GEMIN7: variants seen among roughly 807,000 people sequenced by gnomAD.
The protein encoded by GEMIN7 is gem nuclear organelle associated protein 7.
A neutral mutation model predicts 7.8 loss-of-function variants in GEMIN7; 7 were observed. The ratio of observed to expected loss-of-function variants is 0.90; its 90% CI spans 0.51 to 1.69. The LOEUF (loss-of-function observed/expected upper bound fraction) is 1.69, where lower values mean the gene tolerates loss of function less well. Among genes scored for constraint, GEMIN7 ranks in the 40% most tolerant of loss-of-function variants. The probability of loss-of-function intolerance (pLI) is 0.00; values close to 1 mark genes in which losing one functional copy is unlikely to be tolerated. For missense variants in GEMIN7, 159 were observed against 176.2 expected (o/e 0.90, Z 0.55); for synonymous variants, 68 against 72.4 (o/e 0.94, Z 0.31).
chr19:45,090,043 C>T (rs1967837422), intron 2 of GEMIN7, 64 bp from the exon 3 acceptor site: 2 of 1,506,816 alleles, frequency 1.3e-6, no homozygotes, highest in Non-Finnish European at 1.8e-6. Context: ...TTCCACTCCT[C>T]CCTCCTCCAT....
At chr19:45,076,263 C>A, upstream of GEMIN7, 1 of 1,499,230 alleles carries the variant, frequency 6.7e-7, no homozygotes, top group Non-Finnish European at 8.9e-7. This position sits in a 1 kb window ranked among gnomAD's most constrained non-coding sequence, Gnocchi z 4.9. Flanking sequence ...GCGCGTCTGG[C>A]TCGGGCTTGA....
intron 2 of GEMIN7, chr19:45,088,509 T>G (rs550532381): frequency 1.3e-5 from 2 of 152,190 alleles, no homozygotes; most frequent in African/African-American, 4.8e-5. Flanking sequence ...TTATTTTTAG[T>G]AGAGACGAGG....
intron 2 of GEMIN7, among the ~76,000 whole-genome samples, chr19:45,080,373 G>A (rs1274535973): frequency 7.3e-6 from 1 of 137,842 alleles, no homozygotes; most frequent in East Asian, 2.0e-4. Context: ...CCAAGGAAAT[G>A]ATTTTTTTTT....
At chr19:45,084,213 C>CAAAAAAAAAAAAAAAAAAAAAAAA (rs35661833) in intron 2 of GEMIN7, among the ~76,000 whole-genome samples, 1 of 74,504 alleles carries the variant, frequency 1.3e-5, no homozygotes, top group Non-Finnish European at 2.3e-5. Flanking sequence ...CTCCATCTCA[C>CAAAAAAAAAAAAAAAAAAAAAAAA]AAAAAAAAAA....
Position 45,080,020 on chromosome 19 carries a change from C to A in GEMIN7, c.-18C>A, listed in dbSNP as rs1055582270. On this transcript the variant is annotated 5_prime_UTR_variant, in exon 2 of 3. Coordinates refer to ENST00000270257, the MANE Select transcript of GEMIN7 (RefSeq NM_024707.3). ...CTCCTCTCTGGAGCACCGGGGCCAC[C>A]AGGAGGGAGGTCTGTGAAACCCCTG... The A allele has an allele frequency of 6.6e-6, 1 of 152,292 alleles. No homozygotes were observed. The highest frequency in any genetic ancestry group is 1.5e-5 in the Non-Finnish European group (1 of 68,052). 9.4% of individuals were successfully genotyped at this position (152,292 alleles called of 1,614,324 possible).
chr19:45,083,599 CTTT>C (rs1184251456), intron 2 of GEMIN7, among the ~76,000 whole-genome samples: 1 of 48,334 alleles, frequency 2.1e-5, no homozygotes, highest in African/African-American at 5.9e-5. Context: ...AATTCTTCTT[CTTT>C]TTTTTTTTTT....
chr19:45,076,436 C>G (rs1967356228), upstream of GEMIN7: 2 of 1,165,800 alleles, frequency 1.7e-6, no homozygotes, highest in South Asian at 4.1e-5. This position sits in a 1 kb window ranked among gnomAD's most constrained non-coding sequence, Gnocchi z 4.9. Flanking sequence ...GGAGGACGCA[C>G]GAGCGGAGGA....
intron 2 of GEMIN7, chr19:45,088,778 C>T (rs1406054431): frequency 3.9e-5 from 6 of 152,066 alleles, no homozygotes; most frequent in Non-Finnish European, 5.9e-5. Context: ...TTCTTAGTGT[C>T]CCATTCCTGG....
intron 2 of GEMIN7, among the ~76,000 whole-genome samples, chr19:45,082,533 C>T (rs770358076): frequency 2.0e-5 from 3 of 152,144 alleles, no homozygotes; most frequent in Non-Finnish European, 2.9e-5. Context: ...CAGTCCTAGA[C>T]GTGTTTCCAA....
In GEMIN7 at chr19:45,090,539, G is replaced by A. The variant is rs1055590231; in HGVS notation, c.*29G>A. On this transcript the variant is annotated 3_prime_UTR_variant, in exon 3 of 3. Transcript: ENST00000270257. ...TATTGTGTTCACTTTTCTGCTTGAGGCTAAGGCACTGTATCCCAGGCCTCC... is the reference window on the plus strand; with the variant it reads ...TATTGTGTTCACTTTTCTGCTTGAGACTAAGGCACTGTATCCCAGGCCTCC... The A allele has an allele frequency of 1.1e-5, 17 of 1,578,938 alleles. No individual in the cohort carries two copies. Among genetic ancestry groups the A allele is most frequent in the Admixed American group, 3.4e-5 (2 of 58,622 alleles).
At chr19:45,087,752 G>T (rs1600143352) in intron 2 of GEMIN7, among the ~76,000 whole-genome samples, 1 of 152,004 alleles carries the variant, frequency 6.6e-6, no homozygotes, top group African/African-American at 2.4e-5. Context: ...TCTGACTCAG[G>T]CATTAACAGG....
At chr19:45,083,237 CAGG>C (rs1402594863) in intron 2 of GEMIN7, among the ~76,000 whole-genome samples, 4 of 152,180 alleles carry the variant, frequency 2.6e-5, no homozygotes, top group Admixed American at 6.5e-5. Flanking sequence ...CACCTGAGAC[CAGG>C]AGATGTAGAC....
In GEMIN7 at chr19:45,090,294, C is replaced by CGCCCT; in HGVS notation, c.181_185dup (p.Arg63ProfsTer18). The CGCCCT allele has an allele frequency of 6.2e-7, 1 of 1,614,152 alleles. No homozygotes were observed. ...AATCCCAGGAGCAGCGGGCACGAGC[C>CGCCCT]GCCCTTCGGGAGCGTTACCTCCGCA... On this transcript the variant is annotated frameshift_variant, in exon 3 of 3. Transcript: ENST00000270257. LOFTEE classifies it high-confidence loss of function.
Position 45,088,725 on chromosome 19 carries a change from T to TA in GEMIN7, c.-8-1372dup, listed in dbSNP as rs912150722. 5.4e-4 allele frequency: 81 copies of TA among 149,210 alleles called. 1 individual carries two copies. The highest frequency in any genetic ancestry group is 1.5e-3 in the African/African-American group (59 of 40,606). The allele number at this position is 149,210 out of a possible 1,614,324, so 9.2% of individuals were successfully genotyped here. A position where few individuals can be genotyped will look rare whatever the true frequency, so the allele number is the denominator to read the frequency against. On this transcript the variant is annotated intron_variant, in intron 2 of 2. Coordinates refer to ENST00000270257, the MANE Select transcript of GEMIN7 (RefSeq NM_024707.3). ...AGTGAGACCCTGTCTCTTTAAAATT[T>TA]AAAAAAAAAAGAAAAGGAATAGCAC...
chr19:45,090,757 A>G lies in GEMIN7; in HGVS notation c.*247A>G. The G allele has an allele frequency of 4.2e-6, 2 of 477,274 alleles. No individual in the cohort carries two copies. The highest frequency in any genetic ancestry group is 6.3e-5 in the South Asian group (2 of 31,816). The allele number at this position is 477,274 out of a possible 1,614,324, so 29.6% of individuals were successfully genotyped here. ...ACAGAACTCTGAACCCTACAGAAAT[A>G]TGGGCCTGCTGCCATTTCCTGAAGA... is the stretch of plus-strand genomic sequence containing the variant. On this transcript the variant is annotated 3_prime_UTR_variant, in exon 3 of 3. Coordinates refer to ENST00000270257, the MANE Select transcript of GEMIN7 (RefSeq NM_024707.3).
At chr19:45,087,292 G>A (rs144361720) in intron 2 of GEMIN7, among the ~76,000 whole-genome samples, 3 of 152,170 alleles carry the variant, frequency 2.0e-5, no homozygotes, top group Non-Finnish European at 4.4e-5. Context: ...TTACAGGCAC[G>A]CACCACCACG....
intron 2 of GEMIN7, chr19:45,088,762 C>T (rs190829798): frequency 6.6e-6 from 1 of 152,140 alleles, no homozygotes; most frequent in Admixed American, 6.5e-5. Context: ...GAAGTGGTGC[C>T]CTGCCTTCTT....
chr19:45,084,491 C>T (rs1161272117), intron 2 of GEMIN7, among the ~76,000 whole-genome samples: 1 of 152,150 alleles, frequency 6.6e-6, no homozygotes, highest in Non-Finnish European at 1.5e-5. Context: ...CAGCCTCTGG[C>T]TCACGGGTTC....
At chr19:45,076,609 T>C (rs1470369991), upstream of GEMIN7, 3 of 332,510 alleles carry the variant, frequency 9.0e-6, no homozygotes, top group East Asian at 4.7e-5. This position sits in a 1 kb window ranked among gnomAD's most constrained non-coding sequence, Gnocchi z 4.9. Flanking sequence ...ATCTAGGCAG[T>C]GTCCCGTGCG....
Sources: gnomAD v4.1 joint callset for allele counts (sites outside exome capture counted in the v4.1 genomes callset) on GRCh38, gnomAD v4.1.1 for gene constraint, Gnocchi (gnomAD v3.1) non-coding constraint, MANE v1.5 for transcripts, NCBI Gene and HGNC (gene_info 2026-07-23, HGNC 2026-07-21) for gene names.